Variants in CCDC91 observed in about 807,000 individuals in gnomAD.
CCDC91 encodes coiled-coil domain containing 91.
CCDC91 carries 48 observed loss-of-function variants against 63.2 expected under a neutral mutation model. The observed-to-expected ratio is 0.76, with a 90% CI of 0.60 to 0.97. The LOEUF (loss-of-function observed/expected upper bound fraction) is 0.97, where lower values mean the gene tolerates loss of function less well. Ranked by LOEUF, CCDC91 falls within the 50% of genes least tolerant of loss-of-function variation. The pLI is 0.00. For missense variants in CCDC91, 500 were observed against 494.6 expected, an observed-to-expected ratio of 1.01 and a Z score of -0.10; for synonymous variants, 167 against 165.8, an observed-to-expected ratio of 1.01 and a Z score of -0.06.
chr12:28,458,787 T>C (rs557468645), intron 11 of CCDC91, among the ~76,000 whole-genome samples: 18 of 152,230 alleles, frequency 1.2e-4, no homozygotes, highest in African/African-American at 4.1e-4. Context: ...CTTAAACATA[T>C]ACACTTACTT....
chr12:28,325,823 G>T (rs533582069), intron 6 of CCDC91, among the ~76,000 whole-genome samples: 2 of 151,950 alleles, frequency 1.3e-5, no homozygotes, highest in African/African-American at 2.4e-5. Flanking sequence ...AGGGCTTAAT[G>T]ATTTTGAAAC....
chr12:28,267,984 T>C (rs1375765274), intron 3 of CCDC91, among the ~76,000 whole-genome samples: 2 of 116,576 alleles, frequency 1.7e-5, no homozygotes, highest in African/African-American at 6.8e-5. Flanking sequence ...ATATACCCAA[T>C]CTTAATTATA....
At chr12:28,193,860 G>A (rs1228263663) in intron 1 of CCDC91, among the ~76,000 whole-genome samples, 1 of 151,954 alleles carries the variant, frequency 6.6e-6, no homozygotes, top group Non-Finnish European at 1.5e-5. Context: ...CTTTGATTAA[G>A]TGTCTGCTGA....
rs141125580 is a variant in CCDC91 at position 28,441,989 on chromosome 12, A to G, written c.763-8172A>G. ...AAAGACTTTTAAAATAATCATTATC[A>G]AGTAGGTAGTGGGTGGCATTACAGA... On this transcript the variant is annotated intron_variant, in intron 8 of 12. Coordinates refer to ENST00000536442, the MANE Select transcript of CCDC91 (RefSeq NM_018318.5). Among the ~76,000 whole-genome samples the G allele has an allele frequency of 3.4e-3, 517 of 152,118 alleles. 7 individuals are homozygous for G. Among genetic ancestry groups the G allele is most frequent in the African/African-American group, 0.012 (486 of 41,470 alleles).
intron 7 of CCDC91, among the ~76,000 whole-genome samples, chr12:28,373,124 G>A (rs950868261): frequency 6.6e-6 from 1 of 152,052 alleles, no homozygotes; most frequent in Non-Finnish European, 1.5e-5. Flanking sequence ...TAAGATTGTA[G>A]GCAGTTTTTG....
chr12:28,337,118 C>T lies in CCDC91; in HGVS notation c.577-25320C>T, dbSNP rs1286527010. 1.1e-4 allele frequency among the ~76,000 whole-genome samples: 16 copies of T among 152,090 alleles called. No individual in the cohort carries two copies. In the South Asian group the frequency reaches 3.1e-3, roughly 30 times the overall value. On this transcript the variant is annotated intron_variant, in intron 6 of 12. Transcript: ENST00000536442. ...GCTTTTCCATCCAGGTCAATTGCCC[C>T]CAGTTAGAAATCATTAATTTCATTA...
intron 12 of CCDC91, among the ~76,000 whole-genome samples, chr12:28,519,195 C>G (rs1470139630): frequency 6.6e-6 from 1 of 151,970 alleles, no homozygotes; most frequent in Non-Finnish European, 1.5e-5. Flanking sequence ...AATGTATTTC[C>G]ATTTGTTTGT....
chr12:28,527,124 C>T (rs1009308770), intron 12 of CCDC91, among the ~76,000 whole-genome samples: 1 of 152,010 alleles, frequency 6.6e-6, no homozygotes, highest in African/African-American at 2.4e-5. Context: ...GGGATTTCTT[C>T]TTGGTCTGGA....
At chr12:28,310,125 A>G (rs1250500168) in intron 6 of CCDC91, among the ~76,000 whole-genome samples, 1 of 152,032 alleles carries the variant, frequency 6.6e-6, no homozygotes, top group Non-Finnish European at 1.5e-5. Context: ...AGCCACACTT[A>G]CTGACCTCAT....
At chr12:28,419,990 C>T (rs1234869595) in intron 8 of CCDC91, among the ~76,000 whole-genome samples, 1 of 152,012 alleles carries the variant, frequency 6.6e-6, no homozygotes, top group Non-Finnish European at 1.5e-5. Context: ...CTCCTAGGCT[C>T]AAGTAATACT....
intron 12 of CCDC91, among the ~76,000 whole-genome samples, chr12:28,517,359 T>C (rs1312190592): frequency 2.6e-5 from 4 of 151,892 alleles, no homozygotes; most frequent in Admixed American, 6.6e-5. Context: ...AAGGGCCTTA[T>C]TAGTGAGAGT....
rs75385318 is a variant in CCDC91 at position 28,421,193 on chromosome 12, A to G, written c.763-28968A>G. ...ATGATCATGGACTTAGCTTTTACCA[A>G]CATTTAAAAAACTATGTTTTAAAAC... On this transcript the variant is annotated intron_variant, in intron 8 of 12. Coordinates refer to ENST00000536442, the MANE Select transcript of CCDC91 (RefSeq NM_018318.5). Among the ~76,000 whole-genome samples the G allele has an allele frequency of 2.1e-3, 323 of 152,218 alleles. 3 individuals are homozygous for G. The highest frequency in any genetic ancestry group is 7.3e-3 in the African/African-American group (305 of 41,556).
Position 28,305,726 on chromosome 12 carries a change from T to A in CCDC91, c.187T>A (p.Ser63Thr). The A allele has an allele frequency of 1.2e-6, 2 of 1,613,334 alleles. No individual in the cohort carries two copies. The highest frequency in any genetic ancestry group is 1.7e-6 in the Non-Finnish European group (2 of 1,179,474). ...CCACTCTTCTTCCATTGGCTGCCTCTCTTCTGATGCCATTATTTCATCACC... is the reference window on the plus strand; with the variant it reads ...CCACTCTTCTTCCATTGGCTGCCTCACTTCTGATGCCATTATTTCATCACC... ...RDHSSSIGCL[S>T]SDAIISSPEN... The change falls in exon 4 of 13, where the codon TCT (serine) becomes ACT (threonine). Residue 63 changes from serine to threonine, a missense_variant. By Grantham distance (58) the Ser-to-Thr change is moderately conservative. Transcript: ENST00000536442.
chr12:28,514,642 T>C (rs1261412078), intron 12 of CCDC91, among the ~76,000 whole-genome samples: 1 of 152,004 alleles, frequency 6.6e-6, no homozygotes, highest in South Asian at 2.1e-4. Flanking sequence ...AAGTCTTTAA[T>C]GCATCTTGAG....
intron 1 of CCDC91, among the ~76,000 whole-genome samples, chr12:28,197,384 G>A (rs1168673258): frequency 6.6e-6 from 1 of 151,994 alleles, no homozygotes; most frequent in African/African-American, 2.4e-5. Flanking sequence ...GATGAATTAC[G>A]TATAATGTAA....
rs753854512 is a variant in CCDC91, at chr12:28,306,730, T to C, written c.268-12T>C. On this transcript the variant is annotated splice_polypyrimidine_tract_variant and intron_variant, in intron 4 of 12. Transcript: ENST00000536442. ...TTCCTCTCTTGTGTATTTTTTTTTT[T>C]ATGTGGTTTAGATTCAGCAATCAAC... 1.3e-6 allele frequency: 2 copies of C among 1,566,026 alleles called. No individual in the cohort carries two copies. The highest frequency in any genetic ancestry group is 2.8e-5 in the African/African-American group (2 of 72,562).
chr12:28,452,662 A>C lies in CCDC91; in HGVS notation c.1101+8A>C. ...CAAAGAAAAATAAGTCAGGTTAGTA[A>C]TATTAACTGTTAGTAAATATTTACT... On this transcript the variant is annotated splice_region_variant and intron_variant, in intron 11 of 12. Coordinates refer to ENST00000536442, the MANE Select transcript of CCDC91 (RefSeq NM_018318.5). 7.3e-7 allele frequency: 1 copy of C among 1,375,782 alleles called. No individual in the cohort carries two copies. Among genetic ancestry groups the C allele is most frequent in the South Asian group, 1.4e-5 (1 of 69,532 alleles). 85.2% of individuals were successfully genotyped at this position (1,375,782 alleles called of 1,614,324 possible).
intron 3 of CCDC91, 22 bp downstream of exon 3, chr12:28,259,464 G>GTTTT (rs199541046): frequency 1.6e-4 from 177 of 1,094,070 alleles, no homozygotes; most frequent in South Asian, 3.1e-4. Context: ...CAGGAATTAG[G>GTTTT]GTTTTTTTTT....
At chr12:28,464,713 C>T (rs1460229017) in intron 11 of CCDC91, among the ~76,000 whole-genome samples, 1 of 152,138 alleles carries the variant, frequency 6.6e-6, no homozygotes, top group Non-Finnish European at 1.5e-5. Context: ...ATATCAAGGG[C>T]CTTGGGTGAG....
Sources: allele counts gnomAD v4.1 joint callset (sites outside exome capture counted in the v4.1 genomes callset), GRCh38; gene constraint gnomAD v4.1.1; transcripts MANE v1.5; gene names NCBI Gene and HGNC (gene_info 2026-07-23, HGNC 2026-07-21).